Variants in CNTNAP5 observed in about 807,000 individuals in gnomAD.
The protein encoded by CNTNAP5 is contactin-associated protein-like 5.
A neutral mutation model predicts 150.2 loss-of-function variants in CNTNAP5; 72 were observed. The observed-to-expected ratio is 0.48, with a 90% CI of 0.40 to 0.58. The LOEUF (loss-of-function observed/expected upper bound fraction) is 0.58. CNTNAP5 is among the 20% of genes least tolerant of loss of function. The pLI is 0.00. For missense variants in CNTNAP5, 1,636 were observed against 1,626.2 expected, an observed-to-expected ratio of 1.01 and a Z score of -0.10; for synonymous variants, 672 against 619.8, an observed-to-expected ratio of 1.08 and a Z score of -1.25.
intron 1 of CNTNAP5, among the ~76,000 whole-genome samples, chr2:124,120,674 A>C (rs575748157): frequency 7.9e-5 from 12 of 152,322 alleles, no homozygotes; most frequent in African/African-American, 2.9e-4. Flanking sequence ...GGCGATTTAC[A>C]GGCAAGTTTT....
At chr2:124,625,943 T>G (rs58343606) in intron 12 of CNTNAP5, among the ~76,000 whole-genome samples, 1 of 152,188 alleles carries the variant, frequency 6.6e-6, no homozygotes, top group Admixed American at 6.5e-5. Flanking sequence ...GCCTAACTTT[T>G]ATGAGGCTTA....
chr2:124,362,673 C>G (rs1364152292), intron 3 of CNTNAP5, among the ~76,000 whole-genome samples: 1 of 152,126 alleles, frequency 6.6e-6, no homozygotes, highest in Non-Finnish European at 1.5e-5. Flanking sequence ...TCTCCCTGTA[C>G]CTTTCTGTCA....
In CNTNAP5 at chr2:124,807,351, C is replaced by A. The variant is rs191770167; in HGVS notation, c.3217+9031C>A. 9.5e-4 allele frequency among the ~76,000 whole-genome samples: 145 copies of A among 152,282 alleles called. 1 individual carries two copies. Among genetic ancestry groups the A allele is most frequent in the African/African-American group, 3.3e-3 (136 of 41,558 alleles). On this transcript the variant is annotated intron_variant, in intron 19 of 23. Transcript: ENST00000682447. ...AGATGGGTCGGGGGATAGTTTCCAG[C>A]CTTAAGAATCCAGTTCAAATTCCTA...
intron 3 of CNTNAP5, among the ~76,000 whole-genome samples, chr2:124,416,361 T>C (rs1368192921): frequency 7.3e-6 from 1 of 136,444 alleles, no homozygotes; most frequent in South Asian, 2.2e-4. Context: ...GATTTCCTCT[T>C]TTTTTTTTTT....
intron 13 of CNTNAP5, among the ~76,000 whole-genome samples, chr2:124,657,362 G>A (rs376444910): frequency 4.6e-5 from 7 of 152,148 alleles, no homozygotes; most frequent in African/African-American, 1.7e-4. Flanking sequence ...CATCTACTGA[G>A]TTTTTTAAGA....
At chr2:124,675,383 AATC>A (rs1191359416) in intron 13 of CNTNAP5, among the ~76,000 whole-genome samples, 2 of 152,110 alleles carry the variant, frequency 1.3e-5, no homozygotes, top group African/African-American at 4.8e-5. Flanking sequence ...AACATATTCC[AATC>A]ATCATTTAAA....
intron 1 of CNTNAP5, among the ~76,000 whole-genome samples, chr2:124,217,997 C>G (rs1317576560): frequency 2.6e-5 from 4 of 152,152 alleles, no homozygotes; most frequent in Non-Finnish European, 5.9e-5. Context: ...CCTCAATATG[C>G]TTTCCACTAA....
At chr2:124,503,571 C>T (rs760250782) in intron 7 of CNTNAP5, among the ~76,000 whole-genome samples, 4 of 152,142 alleles carry the variant, frequency 2.6e-5, no homozygotes, top group African/African-American at 9.7e-5. Context: ...ATTGAAAATA[C>T]TTTTACTAAG....
chr2:124,228,174 C>T (rs1686514750), intron 2 of CNTNAP5, among the ~76,000 whole-genome samples: 1 of 152,002 alleles, frequency 6.6e-6, no homozygotes, highest in Non-Finnish European at 1.5e-5. Flanking sequence ...TCCCAGAGCC[C>T]AAGGACCCAA....
intron 1 of CNTNAP5, among the ~76,000 whole-genome samples, chr2:124,038,438 A>G (rs138596871): frequency 1.8e-4 from 27 of 152,224 alleles, no homozygotes; most frequent in African/African-American, 6.5e-4. Context: ...TTCAATGTCC[A>G]GTGCCTTACA....
chr2:124,139,034 C>T (rs1684042224), intron 1 of CNTNAP5, among the ~76,000 whole-genome samples: 1 of 151,722 alleles, frequency 6.6e-6, no homozygotes, highest in Non-Finnish European at 1.5e-5. Context: ...GGTTCCCTTC[C>T]ACCACATCCC....
chr2:124,374,561 A>C (rs1392768174), intron 3 of CNTNAP5, among the ~76,000 whole-genome samples: 2 of 152,156 alleles, frequency 1.3e-5, no homozygotes, highest in Non-Finnish European at 2.9e-5. Context: ...AGGAAAGTAG[A>C]GAAAACAGAG....
At chr2:124,086,930 C>T (rs952312086) in intron 1 of CNTNAP5, among the ~76,000 whole-genome samples, 3 of 151,156 alleles carry the variant, frequency 2.0e-5, no homozygotes, top group African/African-American at 7.3e-5. Flanking sequence ...TTTAAAATTC[C>T]ATTTTGCTTT....
At chr2:124,536,762 G>A (rs1372688725) in intron 10 of CNTNAP5, among the ~76,000 whole-genome samples, 4 of 152,090 alleles carry the variant, frequency 2.6e-5, no homozygotes, top group Non-Finnish European at 5.9e-5. Context: ...GAGCAGGTTG[G>A]ATTTACGGGG....
intron 3 of CNTNAP5, among the ~76,000 whole-genome samples, chr2:124,263,080 T>C (rs1453730732): frequency 6.6e-6 from 1 of 152,170 alleles, no homozygotes; most frequent in Non-Finnish European, 1.5e-5. Context: ...TCCAAGTCTT[T>C]GCTATTGTGA....
chr2:124,889,246 T>G (rs1678144072), intron 21 of CNTNAP5, among the ~76,000 whole-genome samples: 1 of 151,790 alleles, frequency 6.6e-6, no homozygotes, highest in Non-Finnish European at 1.5e-5. Context: ...ACTACAGGCA[T>G]GCACCATCAT....
intron 13 of CNTNAP5, among the ~76,000 whole-genome samples, chr2:124,704,951 T>A (rs998696200): frequency 6.6e-6 from 1 of 152,172 alleles, no homozygotes; most frequent in Non-Finnish European, 1.5e-5. Flanking sequence ...CCTGTGCTCA[T>A]GGAGACACTC....
At chr2:124,641,536 G>A (rs1678094055) in intron 12 of CNTNAP5, among the ~76,000 whole-genome samples, 1 of 152,202 alleles carries the variant, frequency 6.6e-6, no homozygotes, top group Admixed American at 6.5e-5. Flanking sequence ...GATTGCCAAT[G>A]AGTAGATGGA....
intron 1 of CNTNAP5, among the ~76,000 whole-genome samples, chr2:124,056,633 G>A (rs374225949): frequency 6.6e-6 from 1 of 152,100 alleles, no homozygotes; most frequent in East Asian, 1.9e-4. Flanking sequence ...GTGACAGAGC[G>A]AGACTCCATC....
Sources: gnomAD v4.1 joint callset for allele counts (sites outside exome capture counted in the v4.1 genomes callset) on GRCh38, gnomAD v4.1.1 for gene constraint, MANE v1.5 for transcripts, NCBI Gene and HGNC (gene_info 2026-07-23, HGNC 2026-07-21) for gene names.